Variants in DTNA observed in about 807,000 individuals in gnomAD.
The protein encoded by DTNA is dystrobrevin alpha.
Under a neutral mutation model 100.7 loss-of-function variants are expected in DTNA, and 43 were observed. That is an observed-to-expected ratio of 0.43 (90% CI 0.33 to 0.55). The LOEUF is 0.55. DTNA is among the 20% of genes least tolerant of loss of function. DTNA has a pLI of 0.04. For synonymous variants in DTNA, 349 were observed against 347.9 expected, an observed-to-expected ratio of 1.00 and a Z score of -0.04; for missense variants, 798 against 953.9, an observed-to-expected ratio of 0.84 and a Z score of 2.15.
intron 1 of DTNA, among the ~76,000 whole-genome samples, chr18:34,595,052 A>G (rs557786234): frequency 6.6e-6 from 1 of 152,236 alleles, no homozygotes; most frequent in South Asian, 2.1e-4. Flanking sequence ...TAACCCCTTT[A>G]GGTTGCAAGC....
chr18:34,779,045 T>A (rs72955175), intron 3 of DTNA, among the ~76,000 whole-genome samples: 18,203 of 152,012 alleles, frequency 0.12, 1,109 homozygotes, highest in African/African-American at 0.14. Context: ...AAAGTATTTT[T>A]AAAAATCATT....
chr18:34,885,337 A>G (rs930656381), intron 22 of DTNA, among the ~76,000 whole-genome samples: 1 of 152,242 alleles, frequency 6.6e-6, no homozygotes, highest in Non-Finnish European at 1.5e-5. Flanking sequence ...GGAATTCAGC[A>G]GTATATAAAT....
intron 3 of DTNA, among the ~76,000 whole-genome samples, chr18:34,790,595 G>A (rs1419332117): frequency 3.8e-4 from 44 of 114,768 alleles, no homozygotes; most frequent in Admixed American, 3.5e-3. Flanking sequence ...TTTTTGAGAC[G>A]GAGTCTCGCT....
intron 15 of DTNA, among the ~76,000 whole-genome samples, chr18:34,852,868 A>G (rs570549224): frequency 6.6e-6 from 1 of 152,306 alleles, no homozygotes; most frequent in South Asian, 2.1e-4. Flanking sequence ...ACTAGTCTCA[A>G]TTACATACCC....
In DTNA at chr18:34,858,413, C is replaced by A. The variant is rs1229021214; in HGVS notation, c.1646+15C>A. 1 of 1,611,312 alleles carries A rather than the reference C, an allele frequency of 6.2e-7. No homozygotes were observed. Among genetic ancestry groups the A allele is most frequent in the Non-Finnish European group, 8.5e-7 (1 of 1,177,658 alleles). ...CGGCTCCTCAGGTAGGAGAGAGCAC[C>A]CATGTCATCTCAGGGAATATATATG... On this transcript the variant is annotated intron_variant, in intron 16 of 22. Transcript: ENST00000444659.
intron 1 of DTNA, among the ~76,000 whole-genome samples, chr18:34,528,328 G>A (rs2042828745): frequency 6.6e-6 from 1 of 152,012 alleles, no homozygotes; most frequent in Non-Finnish European, 1.5e-5. Flanking sequence ...TTCTAGAATT[G>A]TCACCTCAGC....
At chr18:34,721,146 A>G (rs183335684) in intron 1 of DTNA, among the ~76,000 whole-genome samples, 3 of 152,348 alleles carry the variant, frequency 2.0e-5, no homozygotes, top group Admixed American at 1.3e-4. Flanking sequence ...TGGGTTTGAT[A>G]GCAAAGCACA....
intron 1 of DTNA, among the ~76,000 whole-genome samples, chr18:34,722,101 A>C (rs2085471921): frequency 6.6e-6 from 1 of 152,206 alleles, no homozygotes; most frequent in Admixed American, 6.5e-5. Context: ...TTCTCATTTA[A>C]AATTGTATTA....
At chr18:34,659,406 T>G (rs1283060212) in intron 1 of DTNA, among the ~76,000 whole-genome samples, 1 of 150,844 alleles carries the variant, frequency 6.6e-6, no homozygotes, top group Non-Finnish European at 1.5e-5. Flanking sequence ...ACATCTTGAT[T>G]TGGGCTAGCC....
chr18:34,660,495 C>A (rs927237187), intron 1 of DTNA, among the ~76,000 whole-genome samples: 3 of 151,858 alleles, frequency 2.0e-5, no homozygotes, highest in African/African-American at 4.8e-5. Context: ...TTGAAATAGC[C>A]CTGCAAAGCT....
chr18:34,726,138 C>T (rs192405268), intron 1 of DTNA, among the ~76,000 whole-genome samples: 84 of 152,038 alleles, frequency 5.5e-4, no homozygotes, highest in Admixed American at 5.5e-3. Context: ...AGGAGAAATA[C>T]CTAATGTAAA....
chr18:34,890,410 T>C lies in DTNA; in HGVS notation c.*2676T>C, dbSNP rs774394870. 6.5e-7 allele frequency: 1 copy of C among 1,536,160 alleles called. No individual in the cohort carries two copies. Among genetic ancestry groups the C allele is most frequent in the Non-Finnish European group, 8.7e-7 (1 of 1,146,910 alleles). ...TTTTTGGTGGGTTTCTTTCCTTGGC[T>C]CTCCAGATTTACTTTTGGGGCCTGT... On this transcript the variant is annotated 3_prime_UTR_variant, in exon 23 of 23. Transcript: ENST00000444659.
Position 34,547,373 on chromosome 18 carries a change from AAGCTATAAGT to A in DTNA, c.-2+53863_-2+53872del, listed in dbSNP as rs200218416. On this transcript the variant is annotated intron_variant, in intron 1 of 19. Transcript: ENST00000283365. ...TTTCCCCCAACGTTCATCATAAAGA[AAGCTATAAGT>A]AGCAAGAATTGATCTTTCTACGGAT... is the stretch of plus-strand genomic sequence containing the variant. Among the ~76,000 whole-genome samples the A allele has an allele frequency of 1.2e-3, 181 of 152,238 alleles. 3 individuals are homozygous for A. The East Asian group carries it at 0.032, about 27-fold the overall frequency.
rs369827362 is a variant in DTNA at position 34,843,158 on chromosome 18, A to T, written c.1346+4321A>T. On this transcript the variant is annotated intron_variant, in intron 13 of 22. Coordinates refer to ENST00000444659, the MANE Select transcript of DTNA (RefSeq NM_001386795.1). ...ATTAGAATTTTTACTATTTAAAAAAATCACTATTATAGAGTAGCACTTAAA... is the reference window on the plus strand; with the variant it reads ...ATTAGAATTTTTACTATTTAAAAAATTCACTATTATAGAGTAGCACTTAAA... Among the ~76,000 whole-genome samples, 1,348 of 152,298 alleles carry T rather than the reference A, an allele frequency of 8.9e-3. 28 individuals carry two copies. The highest frequency in any genetic ancestry group is 0.031 in the African/African-American group (1,271 of 41,574).
At chr18:34,860,245 T>G (rs1309365647) in intron 16 of DTNA, among the ~76,000 whole-genome samples, 3 of 143,034 alleles carry the variant, frequency 2.1e-5, no homozygotes, top group South Asian at 4.5e-4. Flanking sequence ...TTTTTTTTTT[T>G]TTTTGGAGAG....
At chr18:34,508,840 G>A (rs2040751828) in intron 1 of DTNA, among the ~76,000 whole-genome samples, 1 of 152,072 alleles carries the variant, frequency 6.6e-6, no homozygotes, top group African/African-American at 2.4e-5. Flanking sequence ...TTTAGTTTCT[G>A]TAAATCGTAT....
At chr18:34,545,848 T>C (rs1362470645) in intron 1 of DTNA, among the ~76,000 whole-genome samples, 1 of 152,128 alleles carries the variant, frequency 6.6e-6, no homozygotes, top group African/African-American at 2.4e-5. Flanking sequence ...TATTTGTTTC[T>C]CCGCAGGCTG....
Position 34,663,230 on chromosome 18 carries a change from T to A in DTNA, c.-1-92746T>A, listed in dbSNP as rs556865312. Among the ~76,000 whole-genome samples the A allele has an allele frequency of 3.3e-5, 5 of 152,324 alleles. No homozygotes were observed. The South Asian group carries it at 6.2e-4, about 19-fold the overall frequency. On this transcript the variant is annotated intron_variant, in intron 1 of 19. Coordinates refer to the DTNA transcript ENST00000283365. ...GTTCATTGGCATGATCGTGGCTCAC[T>A]GCAGCCTTGACCCCGTGGGCTCAAG...
At chr18:34,693,188 T>C (rs2080027524) in intron 1 of DTNA, among the ~76,000 whole-genome samples, 1 of 152,216 alleles carries the variant, frequency 6.6e-6, no homozygotes, top group African/African-American at 2.4e-5. Context: ...TTTTTAAACA[T>C]ATATTGCACA....
Sources: allele counts gnomAD v4.1 joint callset (sites outside exome capture counted in the v4.1 genomes callset), GRCh38; gene constraint gnomAD v4.1.1; transcripts MANE v1.5; gene names NCBI Gene and HGNC (gene_info 2026-07-23, HGNC 2026-07-21).